SPON1: variants seen among roughly 807,000 people sequenced by gnomAD.
SPON1 encodes spondin 1.
Under a neutral mutation model 111.7 loss-of-function variants are expected in SPON1, and 52 were observed. The ratio of observed to expected loss-of-function variants is 0.47; its 90% CI spans 0.37 to 0.59. The LOEUF is 0.59. Among genes scored for constraint, SPON1 ranks in the 20% least tolerant of loss-of-function variants. The probability of loss-of-function intolerance (pLI) is 0.00; values close to 1 mark genes in which losing one functional copy is unlikely to be tolerated. For synonymous variants in SPON1, 410 were observed against 395.8 expected (o/e 1.04, Z -0.43); for missense variants, 957 against 1,068.5 (o/e 0.90, Z 1.46).
At chr11:14,154,543 CA>C (rs1346263424) in intron 6 of SPON1, among the ~76,000 whole-genome samples, 4 of 152,230 alleles carry the variant, frequency 2.6e-5, no homozygotes, top group African/African-American at 9.6e-5. Context: ...GCCTGGCCCA[CA>C]AAACCATTTT....
At chr11:13,985,361 G>A (rs1848174314) in intron 2 of SPON1, among the ~76,000 whole-genome samples, 2 of 152,226 alleles carry the variant, frequency 1.3e-5, no homozygotes, top group South Asian at 4.1e-4. Flanking sequence ...GCCAGATACT[G>A]TTCTGAGTGG....
chr11:13,969,973 C>T (rs2133773830), intron 1 of SPON1, among the ~76,000 whole-genome samples: 2 of 152,354 alleles, frequency 1.3e-5, no homozygotes, highest in South Asian at 4.1e-4. Flanking sequence ...ATCTCATGCT[C>T]ACTCAGGCAC....
chr11:14,052,129 C>T (rs893289078), intron 3 of SPON1, among the ~76,000 whole-genome samples: 8 of 152,066 alleles, frequency 5.3e-5, no homozygotes, highest in African/African-American at 1.9e-4. Flanking sequence ...TGGAGGTCTA[C>T]CTGTGAGGTG....
At chr11:14,162,371 A>G (rs1554931481) in intron 6 of SPON1, among the ~76,000 whole-genome samples, 1 of 152,202 alleles carries the variant, frequency 6.6e-6, no homozygotes, top group Admixed American at 6.5e-5. Flanking sequence ...AATGTGTTAA[A>G]GCAGGGAATT....
At chr11:14,038,958 C>T (rs1032633966) in intron 2 of SPON1, among the ~76,000 whole-genome samples, 1 of 152,136 alleles carries the variant, frequency 6.6e-6, no homozygotes, top group Non-Finnish European at 1.5e-5. Flanking sequence ...GATATCCTTC[C>T]GTAAGTGAGT....
intron 3 of SPON1, among the ~76,000 whole-genome samples, chr11:14,048,535 C>T (rs1278074572): frequency 6.6e-6 from 1 of 152,156 alleles, no homozygotes. Flanking sequence ...ACAAACCTGA[C>T]ACCATTTCCA....
chr11:14,264,573 T>C (rs944084927), intron 15 of SPON1, among the ~76,000 whole-genome samples: 24 of 152,220 alleles, frequency 1.6e-4, no homozygotes, highest in African/African-American at 5.8e-4. Context: ...ATTAGGGAGC[T>C]GTTTGCATAT....
At chr11:14,223,189 A>T (rs908741412) in intron 6 of SPON1, among the ~76,000 whole-genome samples, 8 of 152,110 alleles carry the variant, frequency 5.3e-5, no homozygotes, top group African/African-American at 1.9e-4. Context: ...ACATGGTGAA[A>T]CCCCTTCTCT....
intron 5 of SPON1, among the ~76,000 whole-genome samples, chr11:14,110,977 T>C (rs529897183): frequency 4.1e-4 from 62 of 152,180 alleles, no homozygotes; most frequent in Non-Finnish European, 7.5e-4. Flanking sequence ...CAAAACAAAA[T>C]AGACAACTAG....
At chr11:14,260,041 A>T (rs1024228490) in intron 13 of SPON1, among the ~76,000 whole-genome samples, 3 of 152,074 alleles carry the variant, frequency 2.0e-5, no homozygotes, top group Non-Finnish European at 4.4e-5. Flanking sequence ...GACATACATT[A>T]CCCAGGTCCA....
chr11:14,161,204 T>C, intron 6 of SPON1, among the ~76,000 whole-genome samples: 1 of 129,592 alleles, frequency 7.7e-6, no homozygotes, highest in African/African-American at 3.1e-5. Context: ...TATATATTTA[T>C]ATATTTATAT....
At chr11:14,261,278 T>C (rs901853750) in intron 14 of SPON1, among the ~76,000 whole-genome samples, 1 of 152,178 alleles carries the variant, frequency 6.6e-6, no homozygotes, top group Non-Finnish European at 1.5e-5. Flanking sequence ...CAGCTGTTTA[T>C]ATTACATGGG....
chr11:14,104,718 C>T (rs1849171885), intron 5 of SPON1, among the ~76,000 whole-genome samples: 1 of 152,056 alleles, frequency 6.6e-6, no homozygotes, highest in African/African-American at 2.4e-5. Context: ...AGATTTCATA[C>T]TATTTTTAAT....
intron 5 of SPON1, among the ~76,000 whole-genome samples, chr11:14,082,929 C>T (rs1554922183): frequency 6.6e-6 from 1 of 152,148 alleles, no homozygotes; most frequent in Non-Finnish European, 1.5e-5. Flanking sequence ...GATCTTAGGA[C>T]AGTGGTTCTT....
Position 14,138,122 on chromosome 11 carries a change from A to G in SPON1, c.825+2554A>G, listed in dbSNP as rs552607485. Among the ~76,000 whole-genome samples, 268 of 152,300 alleles carry G rather than the reference A, an allele frequency of 1.8e-3. 1 individual carries two copies. The highest frequency in any genetic ancestry group is 6.2e-3 in the African/African-American group (258 of 41,570). ...GGGCTTTAATACTTTATATCCTACCAATCACTTTGTCAAAGAACCTGAGTC... is the reference window on the plus strand; with the variant it reads ...GGGCTTTAATACTTTATATCCTACCGATCACTTTGTCAAAGAACCTGAGTC... On this transcript the variant is annotated intron_variant, in intron 6 of 15. Transcript: ENST00000576479.
intron 5 of SPON1, among the ~76,000 whole-genome samples, chr11:14,104,059 T>C (rs1849166278): frequency 6.6e-6 from 1 of 152,166 alleles, no homozygotes; most frequent in Non-Finnish European, 1.5e-5. Context: ...TAATTCTACC[T>C]TGTCTGAAAT....
chr11:14,255,339 G>C (rs182226142), intron 8 of SPON1, among the ~76,000 whole-genome samples: 1 of 152,190 alleles, frequency 6.6e-6, no homozygotes, highest in Non-Finnish European at 1.5e-5. Context: ...TTCCAATGCC[G>C]GGTCTATTAG....
chr11:14,110,552 G>A (rs1554925356), intron 5 of SPON1, among the ~76,000 whole-genome samples: 1 of 152,220 alleles, frequency 6.6e-6, no homozygotes, highest in Non-Finnish European at 1.5e-5. Flanking sequence ...GGAAAAGAGA[G>A]AAGCTGGTAG....
intron 5 of SPON1, among the ~76,000 whole-genome samples, chr11:14,134,470 A>G (rs1437802973): frequency 6.6e-6 from 1 of 152,044 alleles, no homozygotes; most frequent in Non-Finnish European, 1.5e-5. Context: ...TCCCTCCCAC[A>G]TCCCACTGCA....
Sources: allele counts gnomAD v4.1 joint callset (sites outside exome capture counted in the v4.1 genomes callset), GRCh38; gene constraint gnomAD v4.1.1; transcripts MANE v1.5; gene names NCBI Gene and HGNC (gene_info 2026-07-23, HGNC 2026-07-21).